Variants in MTCL2 observed in about 807,000 individuals in gnomAD.
MTCL2 encodes the protein microtubule cross-linking factor 2.
chr20:36,816,062 C>T, the MTCL2 span: 1 of 1,613,640 alleles, frequency 6.2e-7, no homozygotes, highest in Non-Finnish European at 8.5e-7. Context: ...TGCGGCGGCT[C>T]AGCAGGTTGG....
the MTCL2 span, among the ~76,000 whole-genome samples, chr20:36,797,915 G>A: frequency 2.0e-5 from 3 of 152,024 alleles, no homozygotes; most frequent in African/African-American, 7.2e-5. Context: ...TAAGATCCAG[G>A]CACCCCCACT....
At chr20:36,862,543 G>T in the MTCL2 span, 1 of 1,021,836 alleles carries the variant, frequency 9.8e-7, no homozygotes, top group Non-Finnish European at 1.3e-6. Flanking sequence ...CAGAGGGCTT[G>T]GGCCCCTTTC....
At chr20:36,837,070 C>T in the MTCL2 span, among the ~76,000 whole-genome samples, 8 of 152,196 alleles carry the variant, frequency 5.3e-5, no homozygotes, top group Non-Finnish European at 7.3e-5. Context: ...CGCATCCTGC[C>T]GCTCCCCTGG....
At chr20:36,784,257 C>T in the MTCL2 span, 99 of 985,886 alleles carry the variant, frequency 1.0e-4, no homozygotes, top group Admixed American at 1.7e-3. Flanking sequence ...CATCCAAGAG[C>T]GGAACTGGCC....
chr20:36,861,160 G>A, the MTCL2 span, among the ~76,000 whole-genome samples: 1 of 152,206 alleles, frequency 6.6e-6, no homozygotes, highest in African/African-American at 2.4e-5. Context: ...AGCACTCACT[G>A]GAAGCAGCTC....
the MTCL2 span, chr20:36,793,306 C>T: frequency 6.4e-7 from 1 of 1,551,858 alleles, no homozygotes; most frequent in African/African-American, 1.4e-5. The surrounding 1 kb of genome is among the most constrained non-coding windows in gnomAD (Gnocchi z 6.8). Context: ...CCTTCCCCAC[C>T]TGGGGGAGCA....
At chr20:36,829,244 G>A in the MTCL2 span, 5 of 1,571,862 alleles carry the variant, frequency 3.2e-6, no homozygotes, top group South Asian at 2.3e-5. Flanking sequence ...AAGGATGTGA[G>A]CAGGCTGAGG....
chr20:36,780,178 T>C, the MTCL2 span: 1 of 151,722 alleles, frequency 6.6e-6, no homozygotes, highest in Admixed American at 6.6e-5. Flanking sequence ...ATTCCTCATC[T>C]CAAAAAATGA....
chr20:36,796,658 G>C, the MTCL2 span, among the ~76,000 whole-genome samples: 1,002 of 152,282 alleles, frequency 6.6e-3, 13 homozygotes, highest in African/African-American at 0.023. Flanking sequence ...AATTCCCACT[G>C]CCCCAAGCCT....
the MTCL2 span, chr20:36,816,005 G>A: frequency 6.2e-6 from 10 of 1,613,592 alleles, no homozygotes; most frequent in Non-Finnish European, 7.6e-6. Flanking sequence ...CCTTCATGTC[G>A]TCCATCTCAG....
the MTCL2 span, among the ~76,000 whole-genome samples, chr20:36,838,070 C>T: frequency 6.7e-6 from 1 of 150,340 alleles, no homozygotes; most frequent in Admixed American, 6.6e-5. Flanking sequence ...TTTTTTGAGA[C>T]GGAGTCTCGC....
At chr20:36,851,270 G>A in the MTCL2 span, among the ~76,000 whole-genome samples, 1 of 151,866 alleles carries the variant, frequency 6.6e-6, no homozygotes, top group Non-Finnish European at 1.5e-5. Context: ...ACAGTATATT[G>A]TATATATATA....
the MTCL2 span, among the ~76,000 whole-genome samples, chr20:36,830,731 C>T: frequency 6.6e-6 from 1 of 152,204 alleles, no homozygotes; most frequent in African/African-American, 2.4e-5. Context: ...GTCTCCTCAA[C>T]TATAAAATGA....
chr20:36,851,212 G>A, the MTCL2 span, among the ~76,000 whole-genome samples: 1 of 151,792 alleles, frequency 6.6e-6, no homozygotes, highest in African/African-American at 2.4e-5. Flanking sequence ...GTATATATTT[G>A]TACAATATAT....
At chr20:36,794,818 G>A in the MTCL2 span, 1 of 604,896 alleles carries the variant, frequency 1.7e-6, no homozygotes, top group African/African-American at 1.9e-5. This position sits in a 1 kb window ranked among gnomAD's most constrained non-coding sequence, Gnocchi z 5.4. Flanking sequence ...ACCCAGGCTG[G>A]AATGCAGTAG....
At chr20:36,825,087 C>T in the MTCL2 span, among the ~76,000 whole-genome samples, 1 of 152,022 alleles carries the variant, frequency 6.6e-6, no homozygotes, top group Non-Finnish European at 1.5e-5. Context: ...GGATTACAGG[C>T]GCCCACCACC....
chr20:36,777,761 G>A, the MTCL2 span: 1 of 594,460 alleles, frequency 1.7e-6, no homozygotes, highest in Non-Finnish European at 3.0e-6. Flanking sequence ...ACCAGGCTGA[G>A]TGGGAAGGGG....
the MTCL2 span, among the ~76,000 whole-genome samples, chr20:36,852,838 C>T: frequency 1.8e-3 from 281 of 152,176 alleles, 2 homozygotes; most frequent in Non-Finnish European, 2.6e-3. Flanking sequence ...GGGTGGATCA[C>T]CTGAGGTCAG....
the MTCL2 span, chr20:36,829,108 G>C: frequency 6.4e-7 from 1 of 1,569,214 alleles, no homozygotes; most frequent in Non-Finnish European, 8.6e-7. Context: ...GCTCAGTCTC[G>C]ATGAGCCGCT....
Sources: gnomAD v4.1 joint callset for allele counts (sites outside exome capture counted in the v4.1 genomes callset) on GRCh38, gnomAD v4.1.1 for gene constraint, Gnocchi (gnomAD v3.1) non-coding constraint, MANE v1.5 for transcripts, NCBI Gene and HGNC (gene_info 2026-07-23, HGNC 2026-07-21) for gene names.